Variants in PIP5K1B observed in about 807,000 individuals in gnomAD.
PIP5K1B encodes the protein phosphatidylinositol-4-phosphate 5-kinase type 1 beta.
In PIP5K1B, 42 loss-of-function variants were observed where a neutral mutation model predicts 67.0. The observed-to-expected ratio is 0.63, with a 90% CI of 0.49 to 0.81. The LOEUF is 0.81. Among genes scored for constraint, PIP5K1B ranks in the 30% least tolerant of loss-of-function variants. PIP5K1B has a pLI of 0.00. For synonymous variants in PIP5K1B, 214 were observed against 231.4 expected, an observed-to-expected ratio of 0.92 and a Z score of 0.68; for missense variants, 459 against 646.3, an observed-to-expected ratio of 0.71 and a Z score of 3.14.
chr9:68,832,725 AGG>A (rs1834385972), intron 4 of PIP5K1B, among the ~76,000 whole-genome samples: 1 of 152,220 alleles, frequency 6.6e-6, no homozygotes, highest in Admixed American at 6.5e-5. Context: ...TTCAATTACT[AGG>A]AGACTTCTAA....
At chr9:68,925,417 A>C (rs1826640199) in intron 12 of PIP5K1B, among the ~76,000 whole-genome samples, 1 of 152,180 alleles carries the variant, frequency 6.6e-6, no homozygotes, top group Admixed American at 6.5e-5. Flanking sequence ...CACTCTGATA[A>C]GTAAAAAATG....
intron 2 of PIP5K1B, among the ~76,000 whole-genome samples, chr9:68,796,011 G>A (rs1307177680): frequency 6.6e-6 from 1 of 152,204 alleles, no homozygotes; most frequent in Non-Finnish European, 1.5e-5. Context: ...TTTAGAAATT[G>A]TAGAAAGTTC....
At chr9:68,927,936 T>G (rs1826795778) in intron 12 of PIP5K1B, among the ~76,000 whole-genome samples, 1 of 152,194 alleles carries the variant, frequency 6.6e-6, no homozygotes, top group Non-Finnish European at 1.5e-5. Flanking sequence ...GTATATGATA[T>G]GAGGTAGAGT....
At chr9:68,840,355 C>T (rs970015936) in intron 4 of PIP5K1B, among the ~76,000 whole-genome samples, 3 of 146,858 alleles carry the variant, frequency 2.0e-5, no homozygotes, top group African/African-American at 7.6e-5. Flanking sequence ...CCAGCCTGGG[C>T]AACAGGAATG....
At chr9:68,751,011 T>C (rs542768062) in intron 2 of PIP5K1B, among the ~76,000 whole-genome samples, 42 of 152,316 alleles carry the variant, frequency 2.8e-4, no homozygotes, top group African/African-American at 8.4e-4. Flanking sequence ...AGTTAAGCCA[T>C]GTGGCTTTGG....
intron 8 of PIP5K1B, among the ~76,000 whole-genome samples, chr9:68,903,702 T>A (rs1825475224): frequency 6.6e-6 from 1 of 152,158 alleles, no homozygotes; most frequent in Non-Finnish European, 1.5e-5. Flanking sequence ...GCTACAAAAA[T>A]CAAAATAACT....
chr9:68,767,676 A>G (rs896441968), intron 2 of PIP5K1B, among the ~76,000 whole-genome samples: 1 of 151,956 alleles, frequency 6.6e-6, no homozygotes, highest in African/African-American at 2.4e-5. Context: ...ACATCACAAG[A>G]ATTTAAGCTT....
intron 8 of PIP5K1B, among the ~76,000 whole-genome samples, chr9:68,901,111 G>A (rs1356274800): frequency 6.6e-6 from 1 of 152,118 alleles, no homozygotes; most frequent in African/African-American, 2.4e-5. Context: ...CTAATACAAA[G>A]GAGACGTACA....
At position 69,003,340 on chromosome 9, in the gene PIP5K1B, A is replaced by C. The variant is rs139251696; in HGVS notation, c.1621-5107A>C. Among the ~76,000 whole-genome samples, 93 of 152,244 alleles carry C rather than the reference A, an allele frequency of 6.1e-4. 2 individuals are homozygous for C. In the East Asian group the frequency reaches 0.016, roughly 26 times the overall value. On this transcript the variant is annotated intron_variant, in intron 15 of 15. Coordinates refer to ENST00000265382, the MANE Select transcript of PIP5K1B (RefSeq NM_003558.4). ...CCTACGATGGCCGAGAGAAAAGCTG[A>C]TGCTTTCGTCAAAGATATTTGGGAC...
At chr9:68,750,876 A>G (rs1829594212) in intron 2 of PIP5K1B, among the ~76,000 whole-genome samples, 1 of 152,200 alleles carries the variant, frequency 6.6e-6, no homozygotes, top group African/African-American at 2.4e-5. Context: ...TATCTTTGAC[A>G]TGGATTGAAA....
intron 4 of PIP5K1B, among the ~76,000 whole-genome samples, chr9:68,848,530 T>C (rs925768621): frequency 1.3e-5 from 2 of 152,252 alleles, no homozygotes; most frequent in African/African-American, 2.4e-5. Flanking sequence ...TGCAAAAGTA[T>C]ATATTTAATT....
chr9:68,705,501 C>G lies in PIP5K1B; in HGVS notation c.-504C>G, dbSNP rs1269638738. ...CCGCGGCGCGCGCGCACTGCACACTCGTAGCCGCGCGCCCCCGCCAAGGCG... is the reference window on the plus strand; with the variant it reads ...CCGCGGCGCGCGCGCACTGCACACTGGTAGCCGCGCGCCCCCGCCAAGGCG... On this transcript the variant is annotated 5_prime_UTR_variant, in exon 1 of 16. Transcript: ENST00000265382. 6.6e-6 allele frequency: 1 copy of G among 151,136 alleles called. No individual in the cohort carries two copies. Among genetic ancestry groups the G allele is most frequent in the Non-Finnish European group, 1.5e-5 (1 of 67,244 alleles). The allele number at this position is 151,136 out of a possible 1,614,324, so 9.4% of individuals were successfully genotyped here.
At chr9:68,842,737 T>C (rs1208973891) in intron 4 of PIP5K1B, among the ~76,000 whole-genome samples, 2 of 152,352 alleles carry the variant, frequency 1.3e-5, no homozygotes, top group Admixed American at 6.5e-5. Context: ...CCGGGGATGC[T>C]GCTGAACATC....
intron 6 of PIP5K1B, among the ~76,000 whole-genome samples, chr9:68,882,387 C>A (rs1824241455): frequency 6.6e-6 from 1 of 152,088 alleles, no homozygotes; most frequent in Non-Finnish European, 1.5e-5. Flanking sequence ...CTATGAATAG[C>A]CCCCAAAGGG....
At chr9:68,953,864 C>T (rs1165379036) in intron 14 of PIP5K1B, among the ~76,000 whole-genome samples, 1 of 150,148 alleles carries the variant, frequency 6.7e-6, no homozygotes, top group African/African-American at 2.5e-5. Context: ...TTGAGCAGAG[C>T]TTGTTGACCA....
At chr9:68,929,738 C>A (rs1175424145) in intron 12 of PIP5K1B, among the ~76,000 whole-genome samples, 8 of 152,266 alleles carry the variant, frequency 5.3e-5, no homozygotes, top group African/African-American at 1.9e-4. Flanking sequence ...GGCACTATCT[C>A]AGCTCACTGC....
intron 9 of PIP5K1B, 60 bp downstream of exon 9, chr9:68,917,819 A>AT: frequency 8.2e-7 from 1 of 1,216,604 alleles, no homozygotes; most frequent in Non-Finnish European, 1.2e-6. Context: ...TCACTGGGTA[A>AT]TTATAGACAG....
At chr9:68,709,898 A>G (rs1328241596) in intron 1 of PIP5K1B, among the ~76,000 whole-genome samples, 1 of 152,208 alleles carries the variant, frequency 6.6e-6, no homozygotes, top group East Asian at 1.9e-4. Flanking sequence ...TGACACAGCA[A>G]GGCCTTGTCT....
chr9:68,937,583 G>GT (rs1187182541), intron 13 of PIP5K1B, among the ~76,000 whole-genome samples: 15 of 152,034 alleles, frequency 9.9e-5, no homozygotes, highest in African/African-American at 3.4e-4. Flanking sequence ...TTTTTGAAGG[G>GT]TTTTTTGTGT....
Sources: gnomAD v4.1 joint callset for allele counts (sites outside exome capture counted in the v4.1 genomes callset) on GRCh38, gnomAD v4.1.1 for gene constraint, MANE v1.5 for transcripts, NCBI Gene and HGNC (gene_info 2026-07-23, HGNC 2026-07-21) for gene names.